ANXA3: variants seen among roughly 807,000 people sequenced by gnomAD.
ANXA3 encodes the protein 35-alpha calcimedin.
In ANXA3, 46 loss-of-function variants were observed where a neutral mutation model predicts 48.8. The ratio of observed to expected loss-of-function variants is 0.94; its 90% CI spans 0.74 to 1.21. The LOEUF (loss-of-function observed/expected upper bound fraction) is 1.21. Among genes scored for constraint, ANXA3 ranks in the 50% most tolerant of loss-of-function variants. The probability of loss-of-function intolerance (pLI) is 0.00; values close to 1 mark genes in which losing one functional copy is unlikely to be tolerated. For missense variants in ANXA3, 383 were observed against 378.6 expected, an observed-to-expected ratio of 1.01 and a Z score of -0.10; for synonymous variants, 128 against 134.7, an observed-to-expected ratio of 0.95 and a Z score of 0.35.
At chr4:78,600,060 G>A (rs1723503359) in intron 10 of ANXA3, among the ~76,000 whole-genome samples, 1 of 152,114 alleles carries the variant, frequency 6.6e-6, no homozygotes, top group African/African-American at 2.4e-5. Flanking sequence ...TGGACAGCTG[G>A]ACTCTCAAGA....
chr4:78,597,463 C>A, intron 10 of ANXA3, 49 bp downstream of exon 10: 1 of 1,284,616 alleles, frequency 7.8e-7, no homozygotes, highest in Non-Finnish European at 1.1e-6. Flanking sequence ...CTTGCTTTAA[C>A]TCAGTGCCGA....
intron 4 of ANXA3, among the ~76,000 whole-genome samples, chr4:78,580,505 G>A (rs1723049737): frequency 6.6e-6 from 1 of 152,190 alleles, no homozygotes; most frequent in South Asian, 2.1e-4. Context: ...GGAACCACTG[G>A]AGGTTTGTAA....
At chr4:78,596,556 A>C (rs1723428569) in intron 9 of ANXA3, among the ~76,000 whole-genome samples, 1 of 152,242 alleles carries the variant, frequency 6.6e-6, no homozygotes, top group Non-Finnish European at 1.5e-5. Context: ...TTGACGGAAC[A>C]ATGAGTAAAC....
intron 6 of ANXA3, among the ~76,000 whole-genome samples, chr4:78,590,750 GA>G (rs1003783323): frequency 6.7e-6 from 1 of 148,242 alleles, no homozygotes; most frequent in African/African-American, 2.6e-5. Context: ...TGGGAGATAC[GA>G]AAAAATATGG....
chr4:78,591,467 G>T (rs1392403970), intron 6 of ANXA3, 77 bp from the exon 7 acceptor site: 2 of 933,150 alleles, frequency 2.1e-6, no homozygotes, highest in Middle Eastern at 2.2e-4. Flanking sequence ...GCTAGTGTTG[G>T]CATTTAAACT....
At chr4:78,593,400 T>C (rs10010111) in intron 7 of ANXA3, among the ~76,000 whole-genome samples, 11,134 of 151,718 alleles carry the variant, frequency 0.073, 1,304 homozygotes, top group African/African-American at 0.25. Flanking sequence ...CAGGGTTTCA[T>C]CATGTTGGCT....
chr4:78,605,686 A>G (rs1723631966), intron 12 of ANXA3, among the ~76,000 whole-genome samples: 1 of 152,232 alleles, frequency 6.6e-6, no homozygotes, highest in Admixed American at 6.5e-5. Context: ...GAATCTTCCT[A>G]AAATGGGCTC....
At chr4:78,607,746 T>C (rs997120865) in intron 12 of ANXA3, among the ~76,000 whole-genome samples, 9 of 152,160 alleles carry the variant, frequency 5.9e-5, no homozygotes, top group Admixed American at 3.9e-4. Context: ...ATAGAGCTAG[T>C]ACTATCGGAA....
intron 12 of ANXA3, among the ~76,000 whole-genome samples, chr4:78,606,775 T>G (rs1260321678): frequency 1.9e-5 from 2 of 107,660 alleles, no homozygotes; most frequent in African/African-American, 5.5e-5. Flanking sequence ...GTTTTTGCAC[T>G]AAACTTTTAC....
At chr4:78,566,686 A>G (rs1722739170) in intron 2 of ANXA3, among the ~76,000 whole-genome samples, 1 of 151,996 alleles carries the variant, frequency 6.6e-6, no homozygotes. Flanking sequence ...GGAGGGGCTA[A>G]GGGCTGAAAA....
intron 12 of ANXA3, among the ~76,000 whole-genome samples, chr4:78,606,227 T>C (rs1231057698): frequency 6.6e-6 from 1 of 152,198 alleles, no homozygotes; most frequent in Non-Finnish European, 1.5e-5. Flanking sequence ...CTAGAGAGTA[T>C]TGGACCCAGG....
chr4:78,593,416 GGT>G (rs1723346505), intron 7 of ANXA3, among the ~76,000 whole-genome samples: 1 of 151,384 alleles, frequency 6.6e-6, no homozygotes, highest in Admixed American at 6.6e-5. Flanking sequence ...TGGCTAGGAT[GGT>G]CTCAAACTCC....
chr4:78,594,705 C>T (rs1723376985), intron 7 of ANXA3, among the ~76,000 whole-genome samples: 1 of 152,184 alleles, frequency 6.6e-6, no homozygotes, highest in Non-Finnish European at 1.5e-5. Context: ...GATCTTTCAA[C>T]CATTTTTAAA....
intron 1 of ANXA3, 100 bp from the exon 2 acceptor site, chr4:78,554,336 T>C (rs1240439747): frequency 6.0e-6 from 5 of 833,796 alleles, no homozygotes; most frequent in Non-Finnish European, 9.9e-6. Flanking sequence ...TCTGTGAATG[T>C]TGACATCTGT....
intron 2 of ANXA3, among the ~76,000 whole-genome samples, chr4:78,572,733 A>G (rs1722864000): frequency 1.3e-5 from 2 of 152,194 alleles, no homozygotes. Flanking sequence ...TGCAAGAGTA[A>G]TTGGGGAGGT....
At chr4:78,595,224 A>G (rs1448155221) in intron 7 of ANXA3, among the ~76,000 whole-genome samples, 157 bp from the exon 8 acceptor site, 1 of 152,222 alleles carries the variant, frequency 6.6e-6, no homozygotes, top group African/African-American at 2.4e-5. Flanking sequence ...TGACTAGTCA[A>G]TGGCAGAACC....
At chr4:78,609,882 A>G (rs1354669676) in intron 12 of ANXA3, among the ~76,000 whole-genome samples, 174 bp from the exon 13 acceptor site, 2 of 152,302 alleles carry the variant, frequency 1.3e-5, no homozygotes, top group Non-Finnish European at 1.5e-5. Flanking sequence ...GCTGGTCAGA[A>G]CGTAATTACA....
chr4:78,609,175 G>T (rs536259042), intron 12 of ANXA3, among the ~76,000 whole-genome samples: 1 of 152,142 alleles, frequency 6.6e-6, no homozygotes, highest in Non-Finnish European at 1.5e-5. Context: ...TTCACTAAAT[G>T]AGCCTTCTCT....
At chr4:78,552,886 C>A (rs4975144) in intron 1 of ANXA3, among the ~76,000 whole-genome samples, 98,171 of 152,076 alleles carry the variant, frequency 0.65, 31,801 homozygotes, top group East Asian at 0.83. Context: ...TCCCAGAACT[C>A]TGTGGTTGTG....
Sources: gnomAD v4.1 joint callset for allele counts (sites outside exome capture counted in the v4.1 genomes callset) on GRCh38, gnomAD v4.1.1 for gene constraint, MANE v1.5 for transcripts, NCBI Gene and HGNC (gene_info 2026-07-23, HGNC 2026-07-21) for gene names.